The following ODR4 variants were observed in gnomAD, a reference collection of about 807,000 sequenced individuals.
The protein encoded by ODR4 is odr-4 GPCR localization factor homolog.
A neutral mutation model predicts 60.2 loss-of-function variants in ODR4; 47 were observed. That is an observed-to-expected ratio of 0.78 (90% CI 0.62 to 1.00). The LOEUF (loss-of-function observed/expected upper bound fraction) is 1.00. Ranked by LOEUF, ODR4 falls within the 50% of genes least tolerant of loss-of-function variation. The pLI is 0.00. For missense variants in ODR4, 488 were observed against 530.8 expected (o/e 0.92, Z 0.79); for synonymous variants, 178 against 175.5 (o/e 1.01, Z -0.11).
In ODR4 at chr1:186,417,615, A is replaced by AT; in HGVS notation, c.1260dup (p.Lys421Ter). 1 of 1,600,908 alleles carries AT rather than the reference A, an allele frequency of 6.2e-7. No individual in the cohort carries two copies. Among genetic ancestry groups the AT allele is most frequent in the Non-Finnish European group, 8.5e-7 (1 of 1,172,230 alleles). On this transcript the variant is annotated frameshift_variant, in exon 13 of 14. Transcript: ENST00000287859. LOFTEE classifies it high-confidence loss of function. ...AGATGATGAACAACCAAAACAACCA[A>AT]TTAAAACTACAATGTTATTGAAAAT...
the ODR4 span, among the ~76,000 whole-genome samples, chr1:186,431,876 A>G: frequency 6.6e-6 from 1 of 152,168 alleles, no homozygotes; most frequent in Non-Finnish European, 1.5e-5. Context: ...TAGAGTATTA[A>G]GGCGAAGGGC....
the ODR4 span, among the ~76,000 whole-genome samples, chr1:186,427,999 T>C: frequency 6.6e-6 from 1 of 152,212 alleles, no homozygotes; most frequent in Admixed American, 6.5e-5. Context: ...TGGTAGAGCA[T>C]GGACAAAGTA....
intron 1 of ODR4, among the ~76,000 whole-genome samples, chr1:186,379,516 T>G (rs1215436637): frequency 6.6e-6 from 1 of 151,916 alleles, no homozygotes; most frequent in East Asian, 1.9e-4. Context: ...ATCCCAGGTA[T>G]GAGTAAAAGG....
At chr1:186,380,943 A>G (rs1206357355) in intron 2 of ODR4, among the ~76,000 whole-genome samples, 4 of 152,208 alleles carry the variant, frequency 2.6e-5, no homozygotes, top group African/African-American at 9.6e-5. Flanking sequence ...CATGAAAGAC[A>G]GGCTCATTTT....
At chr1:186,431,457 T>C in the ODR4 span, among the ~76,000 whole-genome samples, 4 of 152,140 alleles carry the variant, frequency 2.6e-5, no homozygotes, top group African/African-American at 9.7e-5. Flanking sequence ...GCTTATCTAA[T>C]AGACAGATGA....
intron 9 of ODR4, among the ~76,000 whole-genome samples, chr1:186,397,958 A>C (rs913863386): frequency 6.6e-6 from 1 of 152,202 alleles, no homozygotes; most frequent in African/African-American, 2.4e-5. Context: ...TATCTAGTAC[A>C]TCATATCTTC....
At position 186,420,451 on chromosome 1, in the gene ODR4, A is replaced by G. The variant is rs1353330119; in HGVS notation, c.*1375A>G. On this transcript the variant is annotated 3_prime_UTR_variant, in exon 14 of 14. Coordinates refer to ENST00000287859, the MANE Select transcript of ODR4 (RefSeq NM_017847.6). ...TATTTTATGACTAGAGATCACAGGC[A>G]CAAGTTGAAACAAACTAACATGACA... is the stretch of plus-strand genomic sequence containing the variant. 1 of 152,244 alleles carries G rather than the reference A, an allele frequency of 6.6e-6. No homozygotes were observed. Among genetic ancestry groups the G allele is most frequent in the Non-Finnish European group, 1.5e-5 (1 of 68,048 alleles). 9.4% of individuals were successfully genotyped at this position (152,244 alleles called of 1,614,324 possible). A position where few individuals can be genotyped will look rare whatever the true frequency, so the allele number is the denominator to read the frequency against.
chr1:186,421,608 A>C (rs1661779780), downstream of ODR4, among the ~76,000 whole-genome samples: 1 of 152,160 alleles, frequency 6.6e-6, no homozygotes, highest in African/African-American at 2.4e-5. Flanking sequence ...GCTCACACTT[A>C]TAATCAGCAC....
rs997182161 is a variant in ODR4 at position 186,384,096 on chromosome 1, T to C, written c.234+940T>C. Among the ~76,000 whole-genome samples the C allele has an allele frequency of 4.3e-4, 65 of 152,264 alleles. 1 individual carries two copies. Among genetic ancestry groups the C allele is most frequent in the African/African-American group, 1.4e-3 (57 of 41,550 alleles). ...TTATTATTGTTTTAGTCTGTTTGGG[T>C]GGCTATTAAGGAATACCTAAGACTG... On this transcript the variant is annotated intron_variant, in intron 3 of 13. Transcript: ENST00000287859.
chr1:186,381,638 TTCTA>T (rs1409839759), intron 2 of ODR4, among the ~76,000 whole-genome samples: 1 of 152,118 alleles, frequency 6.6e-6, no homozygotes, highest in Non-Finnish European at 1.5e-5. Flanking sequence ...AAGGCCTTCC[TTCTA>T]TCTCTTTTTA....
chr1:186,379,240 C>T (rs546704223), intron 1 of ODR4, among the ~76,000 whole-genome samples: 3 of 151,768 alleles, frequency 2.0e-5, no homozygotes, highest in South Asian at 4.2e-4. Flanking sequence ...GTCAGGAGTT[C>T]GAGACCAGCC....
intron 11 of ODR4, among the ~76,000 whole-genome samples, chr1:186,402,825 C>T (rs11809402): frequency 0.093 from 14,059 of 151,950 alleles, 962 homozygotes; most frequent in East Asian, 0.38. Context: ...AACTTCTGGC[C>T]CCAAGCAGTC....
intron 4 of ODR4, among the ~76,000 whole-genome samples, chr1:186,386,624 A>T (rs1243358322): frequency 3.3e-5 from 5 of 152,198 alleles, no homozygotes; most frequent in Non-Finnish European, 4.4e-5. Context: ...TACATATTTT[A>T]AAATAATCTT....
intron 9 of ODR4, among the ~76,000 whole-genome samples, chr1:186,394,257 C>T (rs1405592319): frequency 6.6e-6 from 1 of 151,930 alleles, no homozygotes; most frequent in Non-Finnish European, 1.5e-5. Flanking sequence ...AAAATATGTA[C>T]ACATACATGC....
chr1:186,380,648 G>A (rs1401777209), intron 2 of ODR4, among the ~76,000 whole-genome samples: 1 of 150,876 alleles, frequency 6.6e-6, no homozygotes, highest in Admixed American at 6.6e-5. Flanking sequence ...GTGCACTTTG[G>A]CCCAAGGACT....
intron 6 of ODR4, among the ~76,000 whole-genome samples, chr1:186,389,895 C>T (rs1296505017): frequency 6.6e-6 from 1 of 152,224 alleles, no homozygotes; most frequent in African/African-American, 2.4e-5. Context: ...TCGAGGGATC[C>T]TCCCACCTCA....
At position 186,406,275 on chromosome 1, in the gene ODR4, A is replaced by G. The variant is rs759293839; in HGVS notation, c.1186+7A>G. ...GCAGAGGAAACAAACACAGGTCATT[A>G]TATGATGCTATTTAAGAACCTGGTT... On this transcript the variant is annotated splice_region_variant and intron_variant, in intron 12 of 13. Transcript: ENST00000287859. 6.4e-7 allele frequency: 1 copy of G among 1,569,172 alleles called. No homozygotes were observed. Among genetic ancestry groups the G allele is most frequent in the Non-Finnish European group, 8.6e-7 (1 of 1,158,158 alleles).
the ODR4 span, among the ~76,000 whole-genome samples, chr1:186,433,336 G>C: frequency 6.6e-6 from 1 of 151,632 alleles, no homozygotes; most frequent in African/African-American, 2.4e-5. Flanking sequence ...TAAGTTTTAA[G>C]AATTTCAGAT....
chr1:186,411,588 ATC>A (rs1384920230), intron 12 of ODR4, among the ~76,000 whole-genome samples: 15 of 151,992 alleles, frequency 9.9e-5, no homozygotes, highest in Non-Finnish European at 2.2e-4. Flanking sequence ...AGTAAGCTTT[ATC>A]ATTAGCATTA....
Sources: allele counts gnomAD v4.1 joint callset (sites outside exome capture counted in the v4.1 genomes callset), GRCh38; gene constraint gnomAD v4.1.1; transcripts MANE v1.5; gene names NCBI Gene and HGNC (gene_info 2026-07-23, HGNC 2026-07-21).